SLC7A2: variants seen among roughly 807,000 people sequenced by gnomAD.
The protein encoded by SLC7A2 is cationic amino acid transporter 2.
In SLC7A2, 48 loss-of-function variants were observed where a neutral mutation model predicts 58.9. The ratio of observed to expected loss-of-function variants is 0.82; its 90% CI spans 0.65 to 1.04. The LOEUF (loss-of-function observed/expected upper bound fraction) is 1.04. Ranked by LOEUF, SLC7A2 falls within the 50% of genes least tolerant of loss-of-function variation. The probability of loss-of-function intolerance (pLI) is 0.00; values close to 1 mark genes in which losing one functional copy is unlikely to be tolerated. For missense variants in SLC7A2, 1,029 were observed against 818.8 expected, an observed-to-expected ratio of 1.26 and a Z score of -3.13; for synonymous variants, 363 against 314.5, an observed-to-expected ratio of 1.15 and a Z score of -1.63.
intron 11 of SLC7A2, 70 bp downstream of exon 11, chr8:17,562,180 A>AT (rs200130071): frequency 3.1e-4 from 187 of 594,164 alleles, no homozygotes; most frequent in African/African-American, 1.0e-3. Context: ...TTTGGTAAGT[A>AT]TTTTTTTTTT....
chr8:17,554,606 G>T lies in SLC7A2; in HGVS notation c.1102G>T (p.Ala368Ser). The change falls in exon 8 of 13, where the codon GCG (alanine) becomes TCG (serine). Residue 368 changes from alanine to serine, a missense_variant. Transcript: ENST00000494857. Reference protein sequence around the residue: ...FPMPRVIYAMAEDGLLFKCLA... With the variant: ...FPMPRVIYAMSEDGLLFKCLA... ...AATGCCTCGTGTAATCTATGCTATG[G>T]CGGAGGATGGGTTGCTTTTCAAATG... 4 of 1,613,322 alleles carry T rather than the reference G, an allele frequency of 2.5e-6. No individual in the cohort carries two copies. Among genetic ancestry groups the T allele is most frequent in the Non-Finnish European group, 3.4e-6 (4 of 1,179,824 alleles).
chr8:17,550,494 G>T, intron 6 of SLC7A2, 60 bp downstream of exon 6: 1 of 1,513,982 alleles, frequency 6.6e-7, no homozygotes, highest in Non-Finnish European at 9.0e-7. Flanking sequence ...ACGAGTACCC[G>T]TGTGTGGTAG....
chr8:17,565,242 G>T lies in SLC7A2; in HGVS notation c.*96G>T. The T allele has an allele frequency of 1.1e-6, 1 of 949,460 alleles. No individual in the cohort carries two copies. Among genetic ancestry groups the T allele is most frequent in the South Asian group, 1.7e-5 (1 of 58,748 alleles). The allele number at this position is 949,460 out of a possible 1,614,324, so 58.8% of individuals were successfully genotyped here. On this transcript the variant is annotated 3_prime_UTR_variant, in exon 13 of 13. Coordinates refer to ENST00000494857, the MANE Select transcript of SLC7A2 (RefSeq NM_001370338.1). ...TCATCAGCATGCTGGGTTGTCATGG[G>T]TTTGCTGCATACATAGTTCACCCTA...
intron 2 of SLC7A2, among the ~76,000 whole-genome samples, chr8:17,535,439 T>G (rs1203020726): frequency 6.6e-6 from 1 of 152,168 alleles, no homozygotes; most frequent in African/African-American, 2.4e-5. Context: ...GCTTCCCCTA[T>G]GCACAAGTAT....
At chr8:17,522,394 G>C (rs1801050696) in intron 2 of SLC7A2, among the ~76,000 whole-genome samples, 1 of 152,124 alleles carries the variant, frequency 6.6e-6, no homozygotes, top group African/African-American at 2.4e-5. Context: ...TTTGGGTGGG[G>C]ACACAGCCAA....
In SLC7A2 at chr8:17,564,066, G is replaced by A. The variant is rs1320672465; in HGVS notation, c.1780+355G>A. On this transcript the variant is annotated intron_variant, in intron 12 of 12. Transcript: ENST00000494857. ...GTGATCTTAGGAGGGTACTTAAAAC[G>A]TTGCCTCCTGATCCCCACACAGTCA... Among the ~76,000 whole-genome samples, 3 of 152,164 alleles carry A rather than the reference G, an allele frequency of 2.0e-5. No individual in the cohort carries two copies. In the East Asian group the frequency reaches 5.8e-4, roughly 29 times the overall value.
At chr8:17,496,186 T>C (rs1014538124), upstream of SLC7A2, among the ~76,000 whole-genome samples, 1 of 152,088 alleles carries the variant, frequency 6.6e-6, no homozygotes, top group African/African-American at 2.4e-5. Flanking sequence ...CTCAGCCTGG[T>C]GGCTCAAGCC....
At chr8:17,525,643 G>T (rs898804550) in intron 2 of SLC7A2, among the ~76,000 whole-genome samples, 5 of 152,158 alleles carry the variant, frequency 3.3e-5, no homozygotes, top group African/African-American at 1.2e-4. Flanking sequence ...AAATTATCAT[G>T]GTAGAATCCT....
chr8:17,548,317 G>A (rs1563470222), intron 4 of SLC7A2, among the ~76,000 whole-genome samples: 5 of 152,182 alleles, frequency 3.3e-5, no homozygotes, highest in Admixed American at 2.6e-4. Context: ...CTTCTGCCAG[G>A]GAAACAGAGC....
chr8:17,544,721 C>T, intron 4 of SLC7A2, 115 bp downstream of exon 4: 1 of 817,080 alleles, frequency 1.2e-6, no homozygotes, highest in South Asian at 1.9e-5. Flanking sequence ...TATATTTACA[C>T]ATTTATGTCA....
rs1802596573 is a variant in SLC7A2, at chr8:17,554,542, T to C, written c.1056-18T>C. 6.3e-7 allele frequency: 1 copy of C among 1,577,392 alleles called. No homozygotes were observed. The highest frequency in any genetic ancestry group is 8.6e-7 in the Non-Finnish European group (1 of 1,166,404). On this transcript the variant is annotated intron_variant, in intron 7 of 12. Transcript: ENST00000494857. ...GCATGAATGTTTGCCATACTGCATG[T>C]GTTTGCTTTTTATTCAGTCTTCTTG...
chr8:17,548,521 T>C (rs781194229), intron 4 of SLC7A2, among the ~76,000 whole-genome samples, 157 bp from the exon 5 acceptor site: 5 of 152,186 alleles, frequency 3.3e-5, no homozygotes, highest in Admixed American at 6.5e-5. Flanking sequence ...CAGAATTAGG[T>C]AATTAACTAA....
chr8:17,499,661 G>A (rs1365864486), intron 1 of SLC7A2, among the ~76,000 whole-genome samples: 1 of 151,326 alleles, frequency 6.6e-6, no homozygotes, highest in Admixed American at 6.6e-5. Flanking sequence ...CACATATTTA[G>A]TTTTGGGTGC....
chr8:17,513,294 A>G (rs1236781402), intron 2 of SLC7A2, among the ~76,000 whole-genome samples: 2 of 152,190 alleles, frequency 1.3e-5, no homozygotes, highest in Non-Finnish European at 2.9e-5. Context: ...CAATTTCTGC[A>G]TATCCTCATC....
At chr8:17,529,890 C>T (rs1318979164) in intron 2 of SLC7A2, among the ~76,000 whole-genome samples, 1 of 152,120 alleles carries the variant, frequency 6.6e-6, no homozygotes, top group Admixed American at 6.5e-5. Context: ...GGAATTTCAA[C>T]CTTCCCTTGT....
intron 2 of SLC7A2, among the ~76,000 whole-genome samples, chr8:17,535,022 T>A (rs959999192): frequency 6.6e-6 from 1 of 152,134 alleles, no homozygotes; most frequent in Non-Finnish European, 1.5e-5. Context: ...TTTACCTTTT[T>A]CCTTATCTCC....
In SLC7A2 at chr8:17,561,340, C is replaced by T. The variant is rs184499464; in HGVS notation, c.1505-604C>T. ...AGGCGAAAGGCACATCTTAACATGG[C>T]AGCAGGGAAGAGAATGGTAACCAAG... is the stretch of plus-strand genomic sequence containing the variant. On this transcript the variant is annotated intron_variant, in intron 10 of 12. Coordinates refer to ENST00000494857, the MANE Select transcript of SLC7A2 (RefSeq NM_001370338.1). 2.2e-4 allele frequency among the ~76,000 whole-genome samples: 33 copies of T among 152,218 alleles called. 1 individual carries two copies. Among genetic ancestry groups the T allele is most frequent in the Middle Eastern group, 3.4e-3 (1 of 294 alleles).
intron 4 of SLC7A2, among the ~76,000 whole-genome samples, chr8:17,544,906 G>A (rs983923268): frequency 1.3e-5 from 2 of 152,176 alleles, no homozygotes; most frequent in Non-Finnish European, 2.9e-5. Flanking sequence ...AGGAATAGCG[G>A]TGGTTTCAGT....
chr8:17,517,387 G>C (rs78711029), intron 2 of SLC7A2, among the ~76,000 whole-genome samples: 2,054 of 152,298 alleles, frequency 0.013, 28 homozygotes, highest in Non-Finnish European at 0.024. Flanking sequence ...GAATATTAGA[G>C]ATTGAGAAGC....
Sources: allele counts gnomAD v4.1 joint callset (sites outside exome capture counted in the v4.1 genomes callset), GRCh38; gene constraint gnomAD v4.1.1; transcripts MANE v1.5; gene names NCBI Gene and HGNC (gene_info 2026-07-23, HGNC 2026-07-21).